Variants in CD164 observed in about 807,000 individuals in gnomAD.
CD164 encodes CD164 molecule.
CD164 carries 11 observed loss-of-function variants against 24.6 expected under a neutral mutation model. The ratio of observed to expected loss-of-function variants is 0.45; its 90% CI spans 0.28 to 0.74. The LOEUF (loss-of-function observed/expected upper bound fraction) is 0.74, where lower values mean the gene tolerates loss of function less well. CD164 is among the 30% of genes least tolerant of loss of function. CD164 has a pLI of 0.13. For synonymous variants in CD164, 126 were observed against 100.3 expected (o/e 1.26, Z -1.53); for missense variants, 295 against 243.7 (o/e 1.21, Z -1.40).
At position 109,382,423 on chromosome 6, in the gene CD164, C is replaced by T. The variant is rs760173836; in HGVS notation, c.-45G>A. ...TTCGGGAGAAAGCTAAGGCTCGCAA[C>T]GCTCAGTCAACCCCTCAATCCCCTG... On this transcript the variant is annotated 5_prime_UTR_variant, in exon 1 of 6. Transcript: ENST00000310786. 7 of 1,461,998 alleles carry T rather than the reference C, an allele frequency of 4.8e-6. No individual in the cohort carries two copies. The highest frequency in any genetic ancestry group is 1.4e-5 in the African/African-American group (1 of 69,822). 90.6% of individuals were successfully genotyped at this position (1,461,998 alleles called of 1,614,324 possible). A position where few individuals can be genotyped will look rare whatever the true frequency, so the allele number is the denominator to read the frequency against.
At chr6:109,376,240 A>G (rs1292280488) in intron 3 of CD164, 128 bp from the exon 4 acceptor site, 6 of 582,392 alleles carry the variant, frequency 1.0e-5, no homozygotes, top group African/African-American at 2.0e-5. Flanking sequence ...CTTAAATACT[A>G]CCTGTGGAAG....
intron 4 of CD164, chr6:109,370,877 A>C (rs534066704): frequency 5.9e-6 from 1 of 168,390 alleles, no homozygotes; most frequent in African/African-American, 2.4e-5. Flanking sequence ...AGATTTGCCT[A>C]TCTTCTTCAC....
chr6:109,375,920 G>A (rs201211053), intron 4 of CD164, 154 bp downstream of exon 4: 16 of 601,346 alleles, frequency 2.7e-5, no homozygotes, highest in African/African-American at 1.6e-4. Flanking sequence ...ACAAAAGGTA[G>A]AGATTAACGT....
At chr6:109,375,961 T>C (rs1771383630) in intron 4 of CD164, 113 bp downstream of exon 4, 1 of 801,726 alleles carries the variant, frequency 1.2e-6, no homozygotes, top group South Asian at 1.7e-5. Context: ...TTTTAAGTTT[T>C]TACTCATCTT....
At chr6:109,372,800 T>C (rs1258471004) in intron 4 of CD164, 1 of 152,182 alleles carries the variant, frequency 6.6e-6, no homozygotes, top group Admixed American at 6.5e-5. Flanking sequence ...CTCAAAACAC[T>C]ATTACCAATT....
Position 109,366,786 on chromosome 6 carries a change from GA to G in CD164, c.*2064del, listed in dbSNP as rs1770782547. 6.6e-6 allele frequency: 1 copy of G among 152,504 alleles called. No individual in the cohort carries two copies. The highest frequency in any genetic ancestry group is 2.1e-4 in the South Asian group (1 of 4,830). The allele number at this position is 152,504 out of a possible 1,614,324, so 9.4% of individuals were successfully genotyped here. A position where few individuals can be genotyped will look rare whatever the true frequency, so the allele number is the denominator to read the frequency against. On this transcript the variant is annotated 3_prime_UTR_variant, in exon 6 of 6. Coordinates refer to ENST00000310786, the MANE Select transcript of CD164 (RefSeq NM_006016.6). ...AGATACTACATTGCTAAAGTTAGGGGAAAAAAGTAAAAAGGCTGTGAGTTCT... is the reference window on the plus strand; with the variant it reads ...AGATACTACATTGCTAAAGTTAGGGGAAAAAGTAAAAAGGCTGTGAGTTCT...
In CD164 at chr6:109,372,370, T is replaced by G. The variant is rs144952043; in HGVS notation, c.371-1903A>C. 1.7e-3 allele frequency: 266 copies of G among 152,296 alleles called. 2 individuals carry two copies. Among genetic ancestry groups the G allele is most frequent in the African/African-American group, 6.0e-3 (250 of 41,566 alleles). The allele number at this position is 152,296 out of a possible 1,614,324, so 9.4% of individuals were successfully genotyped here. On this transcript the variant is annotated intron_variant, in intron 4 of 5. Coordinates refer to ENST00000310786, the MANE Select transcript of CD164 (RefSeq NM_006016.6). Reference sequence around the variant, plus strand: ...GGCTGACTACCCATAATCCCAAGGTTGACTGAATCCTAGGAAACTAAGGTA... The same window carrying G: ...GGCTGACTACCCATAATCCCAAGGTGGACTGAATCCTAGGAAACTAAGGTA...
chr6:109,372,586 C>T (rs980034081), intron 4 of CD164: 1 of 152,142 alleles, frequency 6.6e-6, no homozygotes, highest in Non-Finnish European at 1.5e-5. Flanking sequence ...CTTGATTAAA[C>T]AGTTCTCTCA....
chr6:109,372,889 T>G (rs937742079), intron 4 of CD164: 1 of 152,334 alleles, frequency 6.6e-6, no homozygotes, highest in African/African-American at 2.4e-5. Flanking sequence ...AGGTAAAAAC[T>G]ATTTCTTTTT....
At chr6:109,377,351 C>T (rs1188424038) in intron 3 of CD164, among the ~76,000 whole-genome samples, 1 of 152,134 alleles carries the variant, frequency 6.6e-6, no homozygotes, top group Non-Finnish European at 1.5e-5. Context: ...TAGGAATATG[C>T]CTTTCCCACT....
chr6:109,370,331 G>A (rs894817077), intron 5 of CD164, 80 bp downstream of exon 5: 16 of 1,170,828 alleles, frequency 1.4e-5, no homozygotes, highest in Non-Finnish European at 2.0e-5. Context: ...GAAGAAAGCT[G>A]GAAAATGATG....
chr6:109,381,912 A>G (rs1190072456), intron 1 of CD164: 4 of 438,050 alleles, frequency 9.1e-6, no homozygotes, highest in African/African-American at 2.1e-5. Flanking sequence ...AAGTGAGGCT[A>G]GGAATTACGA....
rs1373354560 is a variant in CD164, at chr6:109,366,814, T to C, written c.*2037A>G. The C allele has an allele frequency of 6.6e-6, 1 of 152,600 alleles. No homozygotes were observed. The highest frequency in any genetic ancestry group is 2.4e-5 in the African/African-American group (1 of 41,466). The allele number at this position is 152,600 out of a possible 1,614,324, so 9.5% of individuals were successfully genotyped here. ...AAAAGTAAAAAGGCTGTGAGTTCTGTTGCAAGAGCTCATTTGTAGACTTGC... is the reference window on the plus strand; with the variant it reads ...AAAAGTAAAAAGGCTGTGAGTTCTGCTGCAAGAGCTCATTTGTAGACTTGC... On this transcript the variant is annotated 3_prime_UTR_variant, in exon 6 of 6. Transcript: ENST00000310786.
chr6:109,380,553 G>C (rs552219764), intron 1 of CD164: 1 of 152,314 alleles, frequency 6.6e-6, no homozygotes, highest in Admixed American at 6.5e-5. Flanking sequence ...TGTACGGTGG[G>C]GTGGGGAAGG....
intron 2 of CD164, 71 bp downstream of exon 2, chr6:109,379,508 T>A: frequency 8.9e-7 from 1 of 1,120,130 alleles, no homozygotes. Flanking sequence ...TACATAACTT[T>A]CAAGTGTTCA....
chr6:109,377,189 A>C (rs1771457654), intron 3 of CD164, among the ~76,000 whole-genome samples: 1 of 152,348 alleles, frequency 6.6e-6, no homozygotes, highest in South Asian at 2.1e-4. Context: ...GTGAAGTAAA[A>C]CTGATCTAAT....
chr6:109,369,020 G>A lies in CD164; in HGVS notation c.428-3C>T. 6.2e-7 allele frequency: 1 copy of A among 1,606,384 alleles called. No individual in the cohort carries two copies. Among genetic ancestry groups the A allele is most frequent in the Non-Finnish European group, 8.5e-7 (1 of 1,177,540 alleles). On this transcript the variant is annotated splice_region_variant and splice_polypyrimidine_tract_variant and intron_variant, in intron 5 of 5. Transcript: ENST00000310786. ...AGTCACAGTGTTATTTGTTGTACCT[G>A]TTAGATAAGACAAAAGAAACAACAA... is the stretch of plus-strand genomic sequence containing the variant.
chr6:109,368,751 G>A lies in CD164; in HGVS notation c.*100C>T. 1 of 1,465,502 alleles carries A rather than the reference G, an allele frequency of 6.8e-7. No individual in the cohort carries two copies. Among genetic ancestry groups the A allele is most frequent in the Non-Finnish European group, 9.0e-7 (1 of 1,112,266 alleles). 90.8% of individuals were successfully genotyped at this position (1,465,502 alleles called of 1,614,324 possible). On this transcript the variant is annotated 3_prime_UTR_variant, in exon 6 of 6. Transcript: ENST00000310786. ...GCATCCATGGAAATTTAAAGATCCT[G>A]GAATAGCGTCTTCCATGTGGGACAT...
chr6:109,374,464 A>G (rs1771282401), intron 4 of CD164, among the ~76,000 whole-genome samples: 1 of 152,200 alleles, frequency 6.6e-6, no homozygotes, highest in Non-Finnish European at 1.5e-5. Context: ...ATTTGCAAAC[A>G]TCTGCAGCCC....
Sources: allele counts gnomAD v4.1 joint callset (sites outside exome capture counted in the v4.1 genomes callset), GRCh38; gene constraint gnomAD v4.1.1; transcripts MANE v1.5; gene names NCBI Gene and HGNC (gene_info 2026-07-23, HGNC 2026-07-21).